The following MYO5C variants were observed in gnomAD, a reference collection of about 807,000 sequenced individuals.
MYO5C encodes myosin VC, also known as unconventional myosin-Vc.
Under a neutral mutation model 235.7 loss-of-function variants are expected in MYO5C, and 194 were observed. The observed-to-expected ratio is 0.82, with a 90% CI of 0.73 to 0.93. MYO5C has a LOEUF of 0.93. Among genes scored for constraint, MYO5C ranks in the 40% least tolerant of loss-of-function variants. The probability of loss-of-function intolerance (pLI) is 0.00; values close to 1 mark genes in which losing one functional copy is unlikely to be tolerated. For synonymous variants in MYO5C, 707 were observed against 754.8 expected (o/e 0.94, Z 1.04); for missense variants, 2,038 against 2,127.2 (o/e 0.96, Z 0.82).
At position 52,261,528 on chromosome 15, in the gene MYO5C, C is replaced by T. The variant is rs1418243432; in HGVS notation, c.1048-401G>A. ...ATCCTGGGCCACTTGTCAGAGTGTG[C>T]ACTCACCCTGCCCCACCTCGTGTGG... On this transcript the variant is annotated intron_variant, in intron 9 of 40. Coordinates refer to ENST00000261839, the MANE Select transcript of MYO5C (RefSeq NM_018728.4). Among the ~76,000 whole-genome samples, 5 of 152,340 alleles carry T rather than the reference C, an allele frequency of 3.3e-5. No homozygotes were observed. In the East Asian group the frequency reaches 9.6e-4, roughly 29 times the overall value.
intron 32 of MYO5C, among the ~76,000 whole-genome samples, chr15:52,217,750 C>T (rs2035587896): frequency 6.6e-6 from 1 of 152,134 alleles, no homozygotes; most frequent in Non-Finnish European, 1.5e-5. Flanking sequence ...CAAGGTTTTC[C>T]TGTGAGATTG....
intron 29 of MYO5C, among the ~76,000 whole-genome samples, chr15:52,222,083 T>G (rs2035700772): frequency 6.6e-6 from 1 of 152,226 alleles, no homozygotes; most frequent in African/African-American, 2.4e-5. Flanking sequence ...CAGGCTAATG[T>G]AAGCATTCTG....
intron 6 of MYO5C, 61 bp downstream of exon 6, chr15:52,272,516 TATA>T: frequency 6.6e-7 from 1 of 1,513,772 alleles, no homozygotes; most frequent in Non-Finnish European, 9.1e-7. Context: ...CCTGAGTATG[TATA>T]ATAAGTATGT....
At chr15:52,214,570 C>T in intron 33 of MYO5C, 33 bp downstream of exon 33, 1 of 1,478,570 alleles carries the variant, frequency 6.8e-7, no homozygotes. Context: ...AGCCTTAGCT[C>T]AAAAGAATAA....
At chr15:52,279,378 C>T (rs1398767481) in intron 3 of MYO5C, 131 bp downstream of exon 3, 1 of 891,222 alleles carries the variant, frequency 1.1e-6, no homozygotes, top group Non-Finnish European at 1.7e-6. Context: ...GTTGAAGATT[C>T]TCCCCACCCA....
intron 4 of MYO5C, chr15:52,278,099 G>A (rs1252572873): frequency 2.7e-6 from 1 of 369,400 alleles, no homozygotes; most frequent in Non-Finnish European, 5.4e-6. Flanking sequence ...ACCACTGTAT[G>A]TGAAAGTTCT....
intron 37 of MYO5C, 48 bp from the exon 38 acceptor site, chr15:52,205,195 G>C (rs754602431): frequency 6.3e-7 from 1 of 1,589,830 alleles, no homozygotes; most frequent in Non-Finnish European, 8.6e-7. Flanking sequence ...AGACACACGC[G>C]GAACGTTCCC....
chr15:52,215,768 G>C (rs571222790), intron 32 of MYO5C, among the ~76,000 whole-genome samples: 1 of 152,088 alleles, frequency 6.6e-6, no homozygotes, highest in African/African-American at 2.4e-5. Context: ...TTATAAAATT[G>C]GGATCATATT....
At chr15:52,284,879 G>A (rs1278971332) in intron 1 of MYO5C, among the ~76,000 whole-genome samples, 3 of 148,720 alleles carry the variant, frequency 2.0e-5, no homozygotes, top group African/African-American at 7.4e-5. Context: ...TAGTTTTGTG[G>A]CCCAGGCTGG....
intron 1 of MYO5C, among the ~76,000 whole-genome samples, chr15:52,288,670 G>A (rs1222118580): frequency 1.3e-5 from 2 of 152,206 alleles, no homozygotes; most frequent in African/African-American, 4.8e-5. Flanking sequence ...CCAAACAGAT[G>A]CAGTCCGCAG....
In MYO5C at chr15:52,213,299, G is replaced by A. The variant is rs528558274; in HGVS notation, c.4043-13C>T. 2.3e-5 allele frequency: 37 copies of A among 1,593,080 alleles called. No individual in the cohort carries two copies. In the South Asian group the frequency reaches 3.9e-4, roughly 17 times the overall value. Reference sequence around the variant, plus strand: ...TGCACATCATTGGCTGTAGACAGAGGCAAACAATCAGCTAAATACACAAAA... The same window carrying A: ...TGCACATCATTGGCTGTAGACAGAGACAAACAATCAGCTAAATACACAAAA... On this transcript the variant is annotated splice_polypyrimidine_tract_variant and intron_variant, in intron 33 of 40. Transcript: ENST00000261839.
intron 1 of MYO5C, among the ~76,000 whole-genome samples, chr15:52,287,210 T>A (rs1056787041): frequency 6.6e-6 from 1 of 151,996 alleles, no homozygotes; most frequent in East Asian, 1.9e-4. Context: ...GATGTGTAAG[T>A]TTTGAGAGAA....
intron 25 of MYO5C, among the ~76,000 whole-genome samples, chr15:52,228,368 C>G (rs1222707149): frequency 6.6e-6 from 1 of 151,996 alleles, no homozygotes; most frequent in Non-Finnish European, 1.5e-5. Context: ...GGTCTAGAAC[C>G]CCTGACCTCA....
At chr15:52,208,319 C>T (rs1315852645) in intron 36 of MYO5C, among the ~76,000 whole-genome samples, 1 of 152,196 alleles carries the variant, frequency 6.6e-6, no homozygotes, top group African/African-American at 2.4e-5. Context: ...ACTTAAAAGT[C>T]ATCTTATCTA....
At chr15:52,247,645 C>A in intron 14 of MYO5C, 53 bp from the exon 15 acceptor site, 1 of 1,594,134 alleles carries the variant, frequency 6.3e-7, no homozygotes, top group Non-Finnish European at 8.5e-7. Flanking sequence ...CCACAGTACT[C>A]ACTCATACAA....
chr15:52,223,647 T>C lies in MYO5C; in HGVS notation c.3524A>G (p.His1175Arg). ...CAGGTGGTTGATTTCTTGACTGAGA[T>C]GCACCACTTTGAAGTTCAAAGCTTC... ...EIEALNFKVV[H>R]LSQEINHLQK... The change falls in exon 29 of 41, where the codon CAT becomes CGT. Residue 1175 changes from histidine to arginine, a missense_variant. Transcript: ENST00000261839. 1 of 1,614,214 alleles carries C rather than the reference T, an allele frequency of 6.2e-7. No individual in the cohort carries two copies. The highest frequency in any genetic ancestry group is 8.5e-7 in the Non-Finnish European group (1 of 1,180,030).
At chr15:52,292,722 C>T (rs1318210125) in intron 1 of MYO5C, among the ~76,000 whole-genome samples, 4 of 152,252 alleles carry the variant, frequency 2.6e-5, no homozygotes, top group Non-Finnish European at 5.9e-5. Flanking sequence ...ACAGAGTTCA[C>T]GAGCTGTTAC....
chr15:52,290,807 C>T (rs983026761), intron 1 of MYO5C, among the ~76,000 whole-genome samples: 22 of 152,064 alleles, frequency 1.4e-4, no homozygotes, highest in African/African-American at 3.4e-4. Flanking sequence ...GCTACAGAAA[C>T]GCTGGGCACT....
chr15:52,218,894 G>A (rs949744326), intron 31 of MYO5C, among the ~76,000 whole-genome samples: 1 of 152,202 alleles, frequency 6.6e-6, no homozygotes, highest in African/African-American at 2.4e-5. Context: ...TCCATGGACT[G>A]CTCTGGTCTC....
Sources: gnomAD v4.1 joint callset for allele counts (sites outside exome capture counted in the v4.1 genomes callset) on GRCh38, gnomAD v4.1.1 for gene constraint, MANE v1.5 for transcripts, NCBI Gene and HGNC (gene_info 2026-07-23, HGNC 2026-07-21) for gene names.